BNIP5: variants seen among roughly 807,000 people sequenced by gnomAD.
BNIP5 encodes protein BNIP5.
A neutral mutation model predicts 67.3 loss-of-function variants in BNIP5; 61 were observed. The ratio of observed to expected loss-of-function variants is 0.91; its 90% confidence interval spans 0.74 to 1.12. BNIP5 has a LOEUF of 1.12. Among genes scored for constraint, BNIP5 ranks in the 50% most tolerant of loss-of-function variants. The pLI is 0.00. For synonymous variants in BNIP5, 317 were observed against 319.0 expected (o/e 0.99, Z 0.07); for missense variants, 826 against 816.3 (o/e 1.01, Z -0.14).
intron 3 of BNIP5, 81 bp from the exon 4 acceptor site, chr6:36,327,175 C>T: frequency 8.0e-7 from 1 of 1,243,678 alleles, no homozygotes. Context: ...GGATAGTTCT[C>T]TTAAACAACT....
At position 36,317,281 on chromosome 6, in the gene BNIP5, C is replaced by T; in HGVS notation, c.*75G>A. On this transcript the variant is annotated 3_prime_UTR_variant, in exon 12 of 12. Coordinates refer to ENST00000437635, the MANE Select transcript of BNIP5 (RefSeq NM_001010903.5). ...AAGCAGGGATTGGGACATCACAGAG[C>T]ATCTTCAGGGTCTCCTGGCTAAAGC... 11 of 1,148,096 alleles carry T rather than the reference C, an allele frequency of 9.6e-6. No homozygotes were observed. Among genetic ancestry groups the T allele is most frequent in the Non-Finnish European group, 1.5e-5 (11 of 754,248 alleles). The allele number at this position is 1,148,096 out of a possible 1,614,324, so 71.1% of individuals were successfully genotyped here. A position where few individuals can be genotyped will look rare whatever the true frequency, so the allele number is the denominator to read the frequency against.
At chr6:36,334,621 G>T (rs192818282) in intron 1 of BNIP5, among the ~76,000 whole-genome samples, 1 of 152,152 alleles carries the variant, frequency 6.6e-6, no homozygotes, top group East Asian at 1.9e-4. Flanking sequence ...ACACCCACAC[G>T]CCCCCAGGAA....
intron 1 of BNIP5, among the ~76,000 whole-genome samples, chr6:36,332,116 G>T (rs951970460): frequency 6.6e-6 from 1 of 151,984 alleles, no homozygotes; most frequent in Non-Finnish European, 1.5e-5. Context: ...CACCCCACAC[G>T]TCCCAGCCTC....
At chr6:36,324,221 T>G in intron 6 of BNIP5, 31 bp from the exon 7 acceptor site, 3 of 1,593,568 alleles carry the variant, frequency 1.9e-6, no homozygotes, top group African/African-American at 2.7e-5. Flanking sequence ...TGGTTAACTT[T>G]GGTGCTACGA....
chr6:36,321,055 G>A (rs1771625445), intron 10 of BNIP5, 100 bp downstream of exon 10: 1 of 719,416 alleles, frequency 1.4e-6, no homozygotes, highest in East Asian at 2.7e-5. Context: ...GAGGTTAAGG[G>A]ACATGCTCAA....
rs1771882692 is a variant in BNIP5, at chr6:36,330,639, A to G, written c.52T>C (p.Ser18Pro). ...CCGGGGGCCTGCGGCCTGTCCAGAG[A>G]CCTGGCTTTCTTCTCCGCCAGGGGC... ...RRPLAEKKARSLDRPQAPGKG... is the reference protein window; with the variant it reads ...RRPLAEKKARPLDRPQAPGKG... Residue 18 changes from serine (S) to proline (P), a missense_variant, in exon 2 of 12, where the codon TCT becomes CCT. By Grantham distance (74) the Ser-to-Pro change is moderately conservative. Transcript: ENST00000437635. The G allele has an allele frequency of 6.2e-7, 1 of 1,604,248 alleles. No individual in the cohort carries two copies.
Position 36,326,757 on chromosome 6 carries a change from T to C in BNIP5, c.793-4A>G, listed in dbSNP as rs1452469616. On this transcript the variant is annotated splice_region_variant and splice_polypyrimidine_tract_variant and intron_variant, in intron 4 of 11. Transcript: ENST00000437635. ...CCAGCTGTGAGGCCAGAGATTGCTG[T>C]TGGGGAGAGGAGAAAAACTGGTCAG... is the stretch of plus-strand genomic sequence containing the variant. The C allele has an allele frequency of 2.5e-6, 4 of 1,613,704 alleles. No homozygotes were observed. The highest frequency in any genetic ancestry group is 2.2e-5 in the East Asian group (1 of 44,878).
chr6:36,325,159 G>T, intron 6 of BNIP5, 124 bp downstream of exon 6: 1 of 1,075,484 alleles, frequency 9.3e-7, no homozygotes, highest in Non-Finnish European at 1.4e-6. Flanking sequence ...TCCCCAGCCT[G>T]CTGTACTCAG....
chr6:36,323,573 C>T (rs1243598226), intron 7 of BNIP5, 40 bp from the exon 8 acceptor site: 1 of 1,610,772 alleles, frequency 6.2e-7, no homozygotes, highest in Non-Finnish European at 8.5e-7. Context: ...GGGCCCCTGA[C>T]CTTGAGGAGA....
intron 1 of BNIP5, among the ~76,000 whole-genome samples, chr6:36,333,880 GGTTGTCAGAGAAGCT>G (rs1310254295): frequency 6.6e-6 from 1 of 152,196 alleles, no homozygotes; most frequent in Non-Finnish European, 1.5e-5. Flanking sequence ...AATTGGATGG[GGTTGTCAGAGAAGCT>G]GTTCATTAAC....
chr6:36,325,681 G>C (rs1233822844), intron 5 of BNIP5, among the ~76,000 whole-genome samples: 1 of 152,188 alleles, frequency 6.6e-6, no homozygotes, highest in Non-Finnish European at 1.5e-5. Flanking sequence ...TCCACAAGTT[G>C]AAGAGTAGAG....
intron 10 of BNIP5, among the ~76,000 whole-genome samples, chr6:36,320,327 GCA>G (rs1008154080): frequency 2.6e-5 from 4 of 152,184 alleles, no homozygotes; most frequent in Non-Finnish European, 5.9e-5. Flanking sequence ...TCCACTCAGG[GCA>G]CCTTGGGAGC....
In BNIP5 at chr6:36,325,084, T is replaced by C. The variant is rs551804111; in HGVS notation, c.1168+199A>G. On this transcript the variant is annotated intron_variant, in intron 6 of 11. Coordinates refer to ENST00000437635, the MANE Select transcript of BNIP5 (RefSeq NM_001010903.5). ...CTCATCAGGGTAAGCACCAACACTA[T>C]CGCCATTTATCGAGGTTCAGACAGG... Among the ~76,000 whole-genome samples, 244 of 152,228 alleles carry C rather than the reference T, an allele frequency of 1.6e-3. 1 individual carries two copies. The highest frequency in any genetic ancestry group is 5.4e-3 in the African/African-American group (226 of 41,554).
At chr6:36,325,706 C>A (rs1366380417) in intron 5 of BNIP5, among the ~76,000 whole-genome samples, 1 of 152,182 alleles carries the variant, frequency 6.6e-6, no homozygotes, top group Non-Finnish European at 1.5e-5. Flanking sequence ...GGTCCCATGG[C>A]ATGAATTAAT....
At chr6:36,323,999 C>CT in intron 7 of BNIP5, 130 bp downstream of exon 7, 1 of 654,858 alleles carries the variant, frequency 1.5e-6, no homozygotes, top group Non-Finnish European at 2.6e-6. Flanking sequence ...GACTCCGTCT[C>CT]CAAAAAAAAA....
chr6:36,330,217 C>T lies in BNIP5; in HGVS notation c.474G>A (p.Lys158=). The change falls in exon 2 of 12, where the codon AAG becomes AAA. Residue 158 remains lysine, a synonymous_variant. Transcript: ENST00000437635. ...CGGCCGCGTGTTTCTTGTGACCTTG[C>T]TTCTTGCGGCTGGGCTTCTTGTCGT... ...AHHDKKPSRK[K]QGHKKHAAEV... is the part of the protein sequence containing the mutation. 6.2e-7 allele frequency: 1 copy of T among 1,614,166 alleles called. No homozygotes were observed. The highest frequency in any genetic ancestry group is 8.5e-7 in the Non-Finnish European group (1 of 1,180,032).
intron 8 of BNIP5, among the ~76,000 whole-genome samples, chr6:36,322,931 C>T (rs552023973): frequency 2.0e-5 from 3 of 152,254 alleles, no homozygotes; most frequent in Admixed American, 6.5e-5. Flanking sequence ...AGGCCCAGGC[C>T]ATCTCCTACT....
At position 36,330,529 on chromosome 6, in the gene BNIP5, A is replaced by C. The variant is rs1303872370; in HGVS notation, c.162T>G (p.Asp54Glu). The C allele has an allele frequency of 1.2e-6, 2 of 1,613,882 alleles. No individual in the cohort carries two copies. Among genetic ancestry groups the C allele is most frequent in the East Asian group, 2.2e-5 (1 of 44,868 alleles). The change falls in exon 2 of 12, where the codon GAT becomes GAG. Residue 54 changes from aspartate (D) to glutamate (E), a missense_variant. Coordinates refer to ENST00000437635, the MANE Select transcript of BNIP5 (RefSeq NM_001010903.5). ...SRKALHWTTS[D>E]WARHSDSPAP... Reference sequence around the variant, plus strand: ...CTGGGCTGTCTGAATGTCTGGCCCAATCACTGGTCGTCCAGTGAAGCGCCT... The same window carrying C: ...CTGGGCTGTCTGAATGTCTGGCCCACTCACTGGTCGTCCAGTGAAGCGCCT...
At chr6:36,323,933 G>A (rs1771694718) in intron 7 of BNIP5, among the ~76,000 whole-genome samples, 196 bp downstream of exon 7, 1 of 151,546 alleles carries the variant, frequency 6.6e-6, no homozygotes, top group South Asian at 2.1e-4. Flanking sequence ...CCAGGAGGTG[G>A]AGGTTGTAGT....
Sources: allele counts gnomAD v4.1 joint callset (sites outside exome capture counted in the v4.1 genomes callset), GRCh38; gene constraint gnomAD v4.1.1; transcripts MANE v1.5; gene names NCBI Gene and HGNC (gene_info 2026-07-23, HGNC 2026-07-21).